CPT1A: variants seen among roughly 807,000 people sequenced by gnomAD.
The protein encoded by CPT1A is carnitine palmitoyltransferase 1A, also known as carnitine O-palmitoyltransferase 1, liver isoform.
A neutral mutation model predicts 100.8 loss-of-function variants in CPT1A; 64 were observed. The observed-to-expected ratio is 0.63, with a 90% confidence interval of 0.52 to 0.78. CPT1A has a LOEUF of 0.78. CPT1A is among the 30% of genes least tolerant of loss of function. The pLI, the probability that CPT1A is intolerant of heterozygous loss-of-function variation, is 0.00. For synonymous variants in CPT1A, 363 were observed against 396.0 expected, an observed-to-expected ratio of 0.92 and a Z score of 0.99; for missense variants, 802 against 1,034.1, an observed-to-expected ratio of 0.78 and a Z score of 3.08.
At chr11:68,834,329 G>A (rs4930618) in intron 1 of CPT1A, among the ~76,000 whole-genome samples, 61,232 of 152,004 alleles carry the variant, frequency 0.4, 15,239 homozygotes, top group Admixed American at 0.6. Context: ...CCAGCTATTC[G>A]GGAGGCTGAG....
upstream of CPT1A, among the ~76,000 whole-genome samples, chr11:68,843,697 G>C (rs1015666591): frequency 3.3e-5 from 5 of 152,236 alleles, no homozygotes; most frequent in Admixed American, 2.0e-4. This position sits in a 1 kb window ranked among gnomAD's most constrained non-coding sequence, Gnocchi z 4.0. Flanking sequence ...CCCTGCTTGC[G>C]CTTGTCTGGA....
intron 8 of CPT1A, 29 bp from the exon 9 acceptor site, chr11:68,793,431 A>C: frequency 1.3e-6 from 2 of 1,555,198 alleles, no homozygotes; most frequent in Non-Finnish European, 8.8e-7. Context: ...TCAAACCAAC[A>C]ACGAAAATCC....
chr11:68,837,292 C>G (rs528792257), intron 1 of CPT1A, among the ~76,000 whole-genome samples: 2 of 152,188 alleles, frequency 1.3e-5, no homozygotes, highest in African/African-American at 2.4e-5. Context: ...TCATGTTCCG[C>G]CCATCGTGGC....
Position 68,785,810 on chromosome 11 carries a change from C to T in CPT1A, c.968-800G>A, listed in dbSNP as rs184676229. On this transcript the variant is annotated intron_variant, in intron 9 of 18. Transcript: ENST00000265641. ...TTAGAAAATATGCTGAGAAACATTC[C>T]GATAATTGTTTCTGAGAACCCGAGA... 175 of 549,020 alleles carry T rather than the reference C, an allele frequency of 3.2e-4. No homozygotes were observed. In the East Asian group the frequency reaches 3.3e-3, roughly 10 times the overall value. The allele number at this position is 549,020 out of a possible 1,614,324, so 34.0% of individuals were successfully genotyped here.
At chr11:68,771,149 G>C (rs1251684265) in intron 14 of CPT1A, among the ~76,000 whole-genome samples, 3 of 152,156 alleles carry the variant, frequency 2.0e-5, no homozygotes, top group African/African-American at 7.2e-5. Flanking sequence ...GAGTCACAAG[G>C]GTGGCTCCCT....
chr11:68,839,932 T>G (rs1424824014), intron 1 of CPT1A, among the ~76,000 whole-genome samples: 3 of 152,230 alleles, frequency 2.0e-5, no homozygotes, highest in Non-Finnish European at 2.9e-5. Context: ...CTCGAAACGT[T>G]ATTTTGGCCT....
chr11:68,782,492 T>TCGGA (rs879861203), intron 10 of CPT1A, among the ~76,000 whole-genome samples: 4 of 151,812 alleles, frequency 2.6e-5, no homozygotes, highest in Non-Finnish European at 4.4e-5. Context: ...TGAGGCAGAG[T>TCGGA]CGGAACCCAG....
At chr11:68,805,383 G>A (rs897469823) in intron 4 of CPT1A, among the ~76,000 whole-genome samples, 2 of 151,996 alleles carry the variant, frequency 1.3e-5, no homozygotes, top group African/African-American at 4.8e-5. Context: ...CCCGGGAGGC[G>A]GAGGTTGTAA....
chr11:68,760,155 G>A, intron 17 of CPT1A, 70 bp downstream of exon 17: 1 of 1,092,486 alleles, frequency 9.2e-7, no homozygotes, highest in Non-Finnish European at 1.4e-6. Flanking sequence ...ACGGAGATGG[G>A]CCCATCACAC....
chr11:68,825,979 A>G (rs1358497241), intron 1 of CPT1A, among the ~76,000 whole-genome samples: 1 of 152,192 alleles, frequency 6.6e-6, no homozygotes, highest in Non-Finnish European at 1.5e-5. Context: ...CTCCAGACAC[A>G]GGGCAGAGGG....
At chr11:68,791,807 G>A (rs1312446729) in intron 9 of CPT1A, among the ~76,000 whole-genome samples, 1 of 152,064 alleles carries the variant, frequency 6.6e-6, no homozygotes, top group African/African-American at 2.4e-5. Flanking sequence ...AAAATGCTGG[G>A]ATTACAGGCG....
chr11:68,800,539 G>A (rs952782917), intron 5 of CPT1A, among the ~76,000 whole-genome samples: 116 of 151,598 alleles, frequency 7.7e-4, no homozygotes, highest in African/African-American at 2.4e-3. Context: ...GGTGGCATGT[G>A]CCTGTGATCC....
intron 1 of CPT1A, among the ~76,000 whole-genome samples, chr11:68,830,454 G>A (rs186095323): frequency 4.7e-4 from 71 of 152,234 alleles, no homozygotes; most frequent in African/African-American, 1.6e-3. Context: ...GGCTATGATG[G>A]GACTCATCAC....
At position 68,803,065 on chromosome 11, in the gene CPT1A, C is replaced by G. The variant is rs531032581; in HGVS notation, c.555+935G>C. The stretch of plus-strand genomic sequence containing the variant: ...AGACCGGCTAGAAGCTGACTATCAC[C>G]CCACCCTCAGCTGGTGACCCTCACC... On this transcript the variant is annotated intron_variant, in intron 5 of 18. Coordinates refer to ENST00000265641, the MANE Select transcript of CPT1A (RefSeq NM_001876.4). 1.3e-4 allele frequency among the ~76,000 whole-genome samples: 20 copies of G among 152,314 alleles called. No homozygotes were observed. In the South Asian group the frequency reaches 3.5e-3, roughly 27 times the overall value.
intron 1 of CPT1A, among the ~76,000 whole-genome samples, chr11:68,828,485 GA>G (rs781572656): frequency 3.9e-5 from 6 of 152,176 alleles, no homozygotes; most frequent in Admixed American, 3.9e-4. Context: ...TCGAGGGCAG[GA>G]GGCCAGGGCA....
rs80356800 is a variant in CPT1A at position 68,793,333 on chromosome 11, TC to T, written c.948del (p.Ile317SerfsTer12). 6.2e-7 allele frequency: 1 copy of T among 1,611,388 alleles called. No individual in the cohort carries two copies. The highest frequency in any genetic ancestry group is 1.1e-5 in the South Asian group (1 of 90,620). On this transcript the variant is annotated frameshift_variant, in exon 9 of 19. Coordinates refer to ENST00000265641, the MANE Select transcript of CPT1A (RefSeq NM_001876.4). LOFTEE classifies it high-confidence loss of function. ...GACTCACCTGTCTCCTCTCCTGGGA[TC>T]CGGGAAGTATTAAACATCCGCTCCC... ...AQWERMFNTSRIPGEETDTIQ... is the reference protein window; with the variant it reads ...AQWERMFNTSXIPGEETDTIQ...
intron 1 of CPT1A, among the ~76,000 whole-genome samples, chr11:68,819,318 G>T (rs1856516261): frequency 1.3e-5 from 2 of 152,116 alleles, no homozygotes. Flanking sequence ...GAGCTCAAAT[G>T]ATCCGCCCAC....
At chr11:68,786,088 A>G (rs1408766238) in intron 9 of CPT1A, 1 of 701,816 alleles carries the variant, frequency 1.4e-6, no homozygotes, top group Non-Finnish European at 2.6e-6. Flanking sequence ...AGCTACCAGG[A>G]GCAGTGGCTC....
intron 14 of CPT1A, among the ~76,000 whole-genome samples, chr11:68,767,853 C>A (rs577319233): frequency 1.4e-4 from 21 of 152,084 alleles, no homozygotes; most frequent in Non-Finnish European, 1.8e-4. Flanking sequence ...ATTCCCCTAC[C>A]GCCCCTTTTC....
Sources: allele counts gnomAD v4.1 joint callset (sites outside exome capture counted in the v4.1 genomes callset), GRCh38; gene constraint gnomAD v4.1.1; non-coding constraint Gnocchi (gnomAD v3.1); transcripts MANE v1.5; gene names NCBI Gene and HGNC (gene_info 2026-07-23, HGNC 2026-07-21).